STARD13: variants seen among roughly 807,000 people sequenced by gnomAD.
STARD13 encodes StAR related lipid transfer domain containing 13, also known as stAR-related lipid transfer protein 13.
In STARD13, 62 loss-of-function variants were observed where a neutral mutation model predicts 106.4. The observed-to-expected ratio is 0.58, with a 90% confidence interval of 0.48 to 0.72. The LOEUF (loss-of-function observed/expected upper bound fraction) is 0.72. Among genes scored for constraint, STARD13 ranks in the 30% least tolerant of loss-of-function variants. The pLI, the probability that STARD13 is intolerant of heterozygous loss-of-function variation, is 0.00. For synonymous variants in STARD13, 565 were observed against 553.0 expected (o/e 1.02, Z -0.31); for missense variants, 1,387 against 1,424.0 (o/e 0.97, Z 0.42).
Position 33,208,851 on chromosome 13 carries a change from T to C in STARD13, c.170-41229A>G, listed in dbSNP as rs1200751995. ...ATTTGCAGACAGGTGTACACACATA[T>C]TCAAGTTTTAATTTCAGCATCTTTC... On this transcript the variant is annotated intron_variant, in intron 1 of 13. Transcript: ENST00000336934. Among the ~76,000 whole-genome samples the C allele has an allele frequency of 2.6e-5, 4 of 152,190 alleles. No homozygotes were observed. In the East Asian group the frequency reaches 7.7e-4, roughly 29 times the overall value.
At chr13:33,580,668 T>C in the STARD13 span, among the ~76,000 whole-genome samples, 1 of 152,096 alleles carries the variant, frequency 6.6e-6, no homozygotes, top group Non-Finnish European at 1.5e-5. Flanking sequence ...GAAGGGTATA[T>C]AGGAACTCTG....
At chr13:33,227,952 G>A (rs1888707860) in intron 1 of STARD13, among the ~76,000 whole-genome samples, 1 of 152,196 alleles carries the variant, frequency 6.6e-6, no homozygotes, top group South Asian at 2.1e-4. Context: ...CTTTACAAAT[G>A]AACATAATGA....
the STARD13 span, among the ~76,000 whole-genome samples, chr13:33,452,834 G>A: frequency 2.6e-5 from 4 of 152,194 alleles, no homozygotes; most frequent in African/African-American, 4.8e-5. Context: ...CTGGAACAGC[G>A]ATGTATATCA....
At chr13:33,256,727 A>G (rs1324040958) in intron 1 of STARD13, among the ~76,000 whole-genome samples, 1 of 152,252 alleles carries the variant, frequency 6.6e-6, no homozygotes, top group Non-Finnish European at 1.5e-5. Context: ...AAGCATGTTA[A>G]CAAACAAGAT....
At chr13:33,287,433 CTT>C (rs1464980164), upstream of STARD13, among the ~76,000 whole-genome samples, 2 of 152,162 alleles carry the variant, frequency 1.3e-5, no homozygotes, top group African/African-American at 4.8e-5. Flanking sequence ...GTCATCATGT[CTT>C]TGTTTTCAGG....
intron 1 of STARD13, among the ~76,000 whole-genome samples, chr13:33,303,711 A>G (rs1282510630): frequency 6.6e-6 from 1 of 152,144 alleles, no homozygotes; most frequent in East Asian, 1.9e-4. Flanking sequence ...AATCAGGGAG[A>G]TTATTCCTTC....
the STARD13 span, among the ~76,000 whole-genome samples, chr13:33,370,081 G>A: frequency 3.3e-5 from 5 of 152,118 alleles, no homozygotes; most frequent in Non-Finnish European, 1.5e-5. Context: ...TGGTGTTTCT[G>A]CTTTCTCATC....
the STARD13 span, among the ~76,000 whole-genome samples, chr13:33,668,618 G>C: frequency 1.3e-5 from 2 of 152,218 alleles, no homozygotes; most frequent in Non-Finnish European, 2.9e-5. Context: ...ATTACAGATG[G>C]AGACTAAAGA....
chr13:33,350,428 C>T (rs1296802944), exon 1 of STARD13: 3 of 1,527,176 alleles, frequency 2.0e-6, no homozygotes, highest in Admixed American at 2.0e-5. Flanking sequence ...GATCCGTCCT[C>T]ATAACGACCG....
At chr13:33,439,760 A>G in the STARD13 span, 6 of 1,083,158 alleles carry the variant, frequency 5.5e-6, no homozygotes, top group Non-Finnish European at 7.4e-6. Flanking sequence ...ATATCTCAAA[A>G]TTATACCACT....
At chr13:33,110,605 G>C (rs751016242) in intron 11 of STARD13, 81 bp downstream of exon 11, 1 of 1,192,892 alleles carries the variant, frequency 8.4e-7, no homozygotes. Flanking sequence ...GGACACAGCA[G>C]CTGTTTTCAA....
intron 1 of STARD13, among the ~76,000 whole-genome samples, chr13:33,283,827 T>G (rs974391822): frequency 6.6e-6 from 1 of 152,170 alleles, no homozygotes; most frequent in Non-Finnish European, 1.5e-5. Context: ...CTTCAAATCT[T>G]GAATGGAAAA....
intron 1 of STARD13, among the ~76,000 whole-genome samples, chr13:33,330,800 G>A (rs201406715): frequency 3.5e-4 from 53 of 152,202 alleles, no homozygotes; most frequent in African/African-American, 1.2e-3. Flanking sequence ...GAGTGAAGAC[G>A]CCCCCAGAGA....
At chr13:33,427,877 C>T in the STARD13 span, among the ~76,000 whole-genome samples, 1 of 150,860 alleles carries the variant, frequency 6.6e-6, no homozygotes, top group African/African-American at 2.5e-5. Flanking sequence ...ATCACTTGAA[C>T]CCGGGAGGCA....
At chr13:33,142,099 G>A (rs1879908033) in intron 4 of STARD13, among the ~76,000 whole-genome samples, 1 of 152,132 alleles carries the variant, frequency 6.6e-6, no homozygotes, top group Admixed American at 6.5e-5. Context: ...CATGATCATG[G>A]CTCACTGCAG....
chr13:33,459,494 T>G, the STARD13 span, among the ~76,000 whole-genome samples: 1 of 152,240 alleles, frequency 6.6e-6, no homozygotes, highest in Non-Finnish European at 1.5e-5. Flanking sequence ...ATCTGTCTAC[T>G]CATTTGTCTG....
At chr13:33,227,716 A>G (rs1888697316) in intron 1 of STARD13, among the ~76,000 whole-genome samples, 1 of 152,216 alleles carries the variant, frequency 6.6e-6, no homozygotes, top group African/African-American at 2.4e-5. Context: ...AAGATGCTGG[A>G]TGCAAACCTA....
the STARD13 span, among the ~76,000 whole-genome samples, chr13:33,637,394 A>G: frequency 2.0e-5 from 3 of 152,348 alleles, no homozygotes; most frequent in Admixed American, 6.5e-5. Flanking sequence ...TGCATGGCCC[A>G]TACCCTCAAA....
chr13:33,516,274 A>C, the STARD13 span, among the ~76,000 whole-genome samples: 1 of 149,624 alleles, frequency 6.7e-6, no homozygotes, highest in Non-Finnish European at 1.5e-5. Flanking sequence ...AATTTCATAT[A>C]TAGTTGAAAT....
Sources: gnomAD v4.1 joint callset for allele counts (sites outside exome capture counted in the v4.1 genomes callset) on GRCh38, gnomAD v4.1.1 for gene constraint, MANE v1.5 for transcripts, NCBI Gene and HGNC (gene_info 2026-07-23, HGNC 2026-07-21) for gene names.